Variants in LRP1B observed in about 807,000 individuals in gnomAD.
The protein encoded by LRP1B is low-density lipoprotein receptor-related protein 1B.
LRP1B carries 217 observed loss-of-function variants against 556.6 expected under a neutral mutation model. The ratio of observed to expected loss-of-function variants is 0.39; its 90% CI spans 0.35 to 0.44. The LOEUF (loss-of-function observed/expected upper bound fraction) is 0.44. Among genes scored for constraint, LRP1B ranks in the 20% least tolerant of loss-of-function variants. The pLI, the probability that LRP1B is intolerant of heterozygous loss-of-function variation, is 1.00. For synonymous variants in LRP1B, 2,047 were observed against 1,865.8 expected (o/e 1.10, Z -2.50); for missense variants, 5,053 against 5,620.8 (o/e 0.90, Z 3.23).
chr2:141,656,728 G>A (rs1242201609), intron 2 of LRP1B, among the ~76,000 whole-genome samples: 1 of 152,056 alleles, frequency 6.6e-6, no homozygotes, highest in Admixed American at 6.6e-5. Context: ...TACATGAGCT[G>A]AGAACTTTGA....
intron 41 of LRP1B, 42 bp from the exon 42 acceptor site, chr2:140,601,681 C>T: frequency 1.4e-6 from 2 of 1,409,116 alleles, no homozygotes; most frequent in Non-Finnish European, 9.6e-7. Context: ...CTTTTATTTA[C>T]AAAAAAATGA....
At chr2:141,841,519 A>G (rs1023421087) in intron 1 of LRP1B, among the ~76,000 whole-genome samples, 3 of 151,308 alleles carry the variant, frequency 2.0e-5, no homozygotes, top group Admixed American at 6.6e-5. Context: ...TCCCTCCCCA[A>G]CTCCTCCCTG....
chr2:141,715,693 T>C (rs559596955), intron 2 of LRP1B, among the ~76,000 whole-genome samples: 2 of 152,126 alleles, frequency 1.3e-5, no homozygotes, highest in East Asian at 1.9e-4. Flanking sequence ...TGGGTGCCTA[T>C]AATCCCAGCT....
intron 3 of LRP1B, among the ~76,000 whole-genome samples, chr2:141,379,184 G>A (rs991009027): frequency 1.3e-5 from 2 of 152,090 alleles, no homozygotes; most frequent in Admixed American, 6.6e-5. Context: ...ATCAGAACAC[G>A]TGAAGACTGG....
chr2:140,872,360 A>ATTTTTTTTTTTTTTTTTTTTT (rs59469282), intron 25 of LRP1B, among the ~76,000 whole-genome samples: 4 of 60,488 alleles, frequency 6.6e-5, no homozygotes, highest in Non-Finnish European at 1.2e-4. Flanking sequence ...GTGTCACCTG[A>ATTTTTTTTTTTTTTTTTTTTT]TTTTTTTTTT....
At position 142,130,117 on chromosome 2, in the gene LRP1B, CT is replaced by C. The variant is rs1182090379; in HGVS notation, c.82+530del. Among the ~76,000 whole-genome samples the C allele has an allele frequency of 1.6e-4, 25 of 152,160 alleles. 1 individual carries two copies. Among genetic ancestry groups the C allele is most frequent in the Admixed American group, 1.5e-3 (23 of 15,286 alleles). On this transcript the variant is annotated intron_variant, in intron 1 of 90. Transcript: ENST00000389484. ...AAAAGCCTCTCTGCTGATGACAGGA[CT>C]CTGACCCCAGTCTGCCCCCAGGAAG...
chr2:140,787,558 ATTTTTTTTTTTTTTTT>A (rs756825067), intron 32 of LRP1B, among the ~76,000 whole-genome samples: 1 of 44,628 alleles, frequency 2.2e-5, no homozygotes, highest in Non-Finnish European at 3.5e-5. Context: ...AAAACAGAAG[ATTTTTTTTTTTTTTTT>A]TTTTTTTTTT....
intron 65 of LRP1B, among the ~76,000 whole-genome samples, chr2:140,443,456 A>G (rs933335017): frequency 2.0e-5 from 3 of 152,340 alleles, no homozygotes; most frequent in South Asian, 2.1e-4. Flanking sequence ...TAGAATGGCT[A>G]ACCATAAAGA....
At chr2:141,454,486 G>A (rs1484120870) in intron 3 of LRP1B, among the ~76,000 whole-genome samples, 1 of 152,102 alleles carries the variant, frequency 6.6e-6, no homozygotes, top group Non-Finnish European at 1.5e-5. Flanking sequence ...CATGGTCTGT[G>A]CAGACCAACC....
At chr2:140,491,239 T>C (rs1196550679) in intron 57 of LRP1B, among the ~76,000 whole-genome samples, 4 of 152,166 alleles carry the variant, frequency 2.6e-5, no homozygotes, top group African/African-American at 9.6e-5. Flanking sequence ...ATGAATATTG[T>C]TCTATATTAG....
chr2:141,710,530 C>T (rs1692319128), intron 2 of LRP1B, among the ~76,000 whole-genome samples: 1 of 152,084 alleles, frequency 6.6e-6, no homozygotes, highest in Non-Finnish European at 1.5e-5. Context: ...TTCTTCCACT[C>T]AAGTGCATCA....
At chr2:141,417,324 T>G (rs879469053) in intron 3 of LRP1B, among the ~76,000 whole-genome samples, 2 of 152,180 alleles carry the variant, frequency 1.3e-5, no homozygotes, top group African/African-American at 4.8e-5. Context: ...GTACAGCAGA[T>G]CTCTAAAACT....
At chr2:140,923,206 A>T in intron 20 of LRP1B, 59 bp from the exon 21 acceptor site, 1 of 1,320,044 alleles carries the variant, frequency 7.6e-7, no homozygotes, top group Non-Finnish European at 1.1e-6. Context: ...AGAAATTATG[A>T]TTTTACTTGT....
intron 2 of LRP1B, among the ~76,000 whole-genome samples, chr2:141,496,471 A>G (rs1683511539): frequency 6.6e-6 from 1 of 152,090 alleles, no homozygotes; most frequent in African/African-American, 2.4e-5. Flanking sequence ...AAGTAGACTT[A>G]AAACTCAGTG....
At chr2:140,945,959 T>C (rs886977953) in intron 20 of LRP1B, among the ~76,000 whole-genome samples, 2 of 151,986 alleles carry the variant, frequency 1.3e-5, no homozygotes, top group Non-Finnish European at 2.9e-5. Flanking sequence ...AAACTACACA[T>C]CTGACAAGGA....
chr2:141,022,999 A>G (rs904066183), intron 11 of LRP1B, among the ~76,000 whole-genome samples: 1 of 151,840 alleles, frequency 6.6e-6, no homozygotes, highest in African/African-American at 2.4e-5. Context: ...ACATGTTTGT[A>G]CTTCTTAAGA....
chr2:141,431,733 ATAT>A (rs1210027856), intron 3 of LRP1B, among the ~76,000 whole-genome samples: 2 of 152,046 alleles, frequency 1.3e-5, no homozygotes, highest in East Asian at 1.9e-4. Context: ...GATTTTTAAA[ATAT>A]TATACATTTT....
intron 8 of LRP1B, 63 bp from the exon 9 acceptor site, chr2:141,059,117 G>T (rs1448295348): frequency 2.8e-6 from 3 of 1,084,054 alleles, no homozygotes; most frequent in African/African-American, 1.6e-5. Context: ...TGAAAGAAAA[G>T]CTGATTGCTA....
rs143346664 is a variant in LRP1B, at chr2:140,233,268, C to T, written c.13718G>A (p.Arg4573Gln). 2.6e-4 allele frequency: 421 copies of T among 1,605,316 alleles called. 2 individuals are homozygous for T. Among genetic ancestry groups the T allele is most frequent in the East Asian group, 2.4e-3 (108 of 44,400 alleles). ...AKLYMDGQNCRNSLGSVDERK... is the reference protein window; with the variant it reads ...AKLYMDGQNCQNSLGSVDERK... The stretch of plus-strand genomic sequence containing the variant: ...TTCATCAACACTTCCTAAGGAGTTT[C>T]GACAGTTTTGCCCATCCATATATAA... The change falls in exon 91 of 91, where the codon CGA becomes CAA. Residue 4573 changes from arginine to glutamine, a missense_variant. Coordinates refer to ENST00000389484, the MANE Select transcript of LRP1B (RefSeq NM_018557.3).
Sources: gnomAD v4.1 joint callset for allele counts (sites outside exome capture counted in the v4.1 genomes callset) on GRCh38, gnomAD v4.1.1 for gene constraint, MANE v1.5 for transcripts, NCBI Gene and HGNC (gene_info 2026-07-23, HGNC 2026-07-21) for gene names.